The following HCN1 variants were observed in gnomAD, a reference collection of about 807,000 sequenced individuals.
HCN1 encodes the protein hyperpolarization activated cyclic nucleotide gated potassium channel 1, also known as potassium/sodium hyperpolarization-activated cyclic nucleotide-gated channel 1.
A neutral mutation model predicts 78.9 loss-of-function variants in HCN1; 13 were observed. The ratio of observed to expected loss-of-function variants is 0.16; its 90% confidence interval spans 0.11 to 0.26. The LOEUF (loss-of-function observed/expected upper bound fraction) is 0.26. HCN1 is among the 10% of genes least tolerant of loss of function. HCN1 has a pLI of 1.00. For synonymous variants in HCN1, 552 were observed against 455.5 expected, an observed-to-expected ratio of 1.21 and a Z score of -2.70; for missense variants, 810 against 1,154.3, an observed-to-expected ratio of 0.70 and a Z score of 4.32.
At chr5:45,352,273 G>A (rs1746921445) in intron 5 of HCN1, among the ~76,000 whole-genome samples, 1 of 151,706 alleles carries the variant, frequency 6.6e-6, no homozygotes, top group South Asian at 2.1e-4. Flanking sequence ...ACTATCGGAA[G>A]GACAAAAAAT....
intron 5 of HCN1, among the ~76,000 whole-genome samples, chr5:45,308,025 A>G (rs1354813864): frequency 6.6e-6 from 1 of 152,100 alleles, no homozygotes; most frequent in East Asian, 1.9e-4. Flanking sequence ...GAGGTGTTTC[A>G]GTCATGGGGG....
Position 45,261,895 on chromosome 5 carries a change from C to T in HCN1, c.*26G>A, listed in dbSNP as rs1744742099. On this transcript the variant is annotated 3_prime_UTR_variant, in exon 8 of 8. Transcript: ENST00000303230. ...ATAGTCTCAGTTTATGAGAGTATTT[C>T]TTTCTGCTTTGACAATCAGCAGGGA... 1 of 1,612,220 alleles carries T rather than the reference C, an allele frequency of 6.2e-7. No homozygotes were observed. The highest frequency in any genetic ancestry group is 8.5e-7 in the Non-Finnish European group (1 of 1,179,830).
intron 4 of HCN1, among the ~76,000 whole-genome samples, chr5:45,374,511 C>T (rs1334769218): frequency 6.7e-6 from 1 of 149,438 alleles, no homozygotes; most frequent in African/African-American, 2.4e-5. Context: ...GTAATAAAAT[C>T]CTGCCAACCA....
chr5:45,534,286 AC>A (rs1742919162), intron 2 of HCN1, among the ~76,000 whole-genome samples: 1 of 151,066 alleles, frequency 6.6e-6, no homozygotes, highest in African/African-American at 2.4e-5. Flanking sequence ...AGTCCCAGCT[AC>A]TCGGAGGCTG....
intron 2 of HCN1, among the ~76,000 whole-genome samples, chr5:45,567,893 T>G (rs967460648): frequency 1.4e-5 from 2 of 139,610 alleles, no homozygotes; most frequent in African/African-American, 5.4e-5. Flanking sequence ...CACCTCTATC[T>G]TACTTTCATA....
chr5:45,637,417 AGAGCCC>A (rs1441449348), intron 2 of HCN1, among the ~76,000 whole-genome samples: 4 of 151,982 alleles, frequency 2.6e-5, no homozygotes, highest in Non-Finnish European at 5.9e-5. Context: ...CAAGTACTTT[AGAGCCC>A]AGTTATTTCC....
At chr5:45,407,992 G>GA (rs1328513547) in intron 3 of HCN1, among the ~76,000 whole-genome samples, 3 of 151,942 alleles carry the variant, frequency 2.0e-5, no homozygotes, top group African/African-American at 4.8e-5. Flanking sequence ...TAAAAGTAAA[G>GA]AAAAAATCAA....
At chr5:45,688,932 C>A (rs1327868802) in intron 1 of HCN1, among the ~76,000 whole-genome samples, 10 of 151,744 alleles carry the variant, frequency 6.6e-5, no homozygotes, top group Non-Finnish European at 1.2e-4. Flanking sequence ...TCAGAATAAG[C>A]AAAAATCTAC....
chr5:45,295,807 A>G (rs986832426), intron 6 of HCN1, among the ~76,000 whole-genome samples: 1 of 151,976 alleles, frequency 6.6e-6, no homozygotes, highest in Non-Finnish European at 1.5e-5. Context: ...GTCATGCTCA[A>G]CTTATACAAA....
chr5:45,630,294 T>C (rs1745248789), intron 2 of HCN1, among the ~76,000 whole-genome samples: 1 of 152,222 alleles, frequency 6.6e-6, no homozygotes, highest in Admixed American at 6.5e-5. Context: ...CAACAGAGTA[T>C]GGATTTATAT....
chr5:45,475,619 A>G (rs759978456), intron 2 of HCN1, among the ~76,000 whole-genome samples: 1 of 151,858 alleles, frequency 6.6e-6, no homozygotes, highest in African/African-American at 2.4e-5. Context: ...AAAGGTTACT[A>G]TCATTATTAT....
chr5:45,303,182 A>C (rs1340174691), intron 6 of HCN1, among the ~76,000 whole-genome samples: 1 of 152,150 alleles, frequency 6.6e-6, no homozygotes, highest in East Asian at 1.9e-4. Context: ...AATATCAAAC[A>C]GAAGCTGTTA....
chr5:45,499,491 C>T (rs556876707), intron 2 of HCN1, among the ~76,000 whole-genome samples: 2 of 152,262 alleles, frequency 1.3e-5, no homozygotes, highest in South Asian at 2.1e-4. Flanking sequence ...CACTGTCTGG[C>T]ACTCCCTAGT....
chr5:45,353,728 AG>A (rs1746958679), intron 4 of HCN1, among the ~76,000 whole-genome samples: 1 of 151,998 alleles, frequency 6.6e-6, no homozygotes, highest in African/African-American at 2.4e-5. Context: ...GGAGCTTGGC[AG>A]GTATTTGCAG....
intron 4 of HCN1, among the ~76,000 whole-genome samples, chr5:45,358,798 G>C (rs1207188019): frequency 1.3e-5 from 2 of 152,098 alleles, no homozygotes; most frequent in Non-Finnish European, 2.9e-5. Flanking sequence ...ACAGATGCAA[G>C]CAAGCTTTTC....
chr5:45,587,814 C>A (rs1744265773), intron 2 of HCN1, among the ~76,000 whole-genome samples: 1 of 152,070 alleles, frequency 6.6e-6, no homozygotes. Context: ...ATTTAATCCC[C>A]AGTGAAACAG....
chr5:45,336,487 G>A (rs1746458618), intron 5 of HCN1, among the ~76,000 whole-genome samples: 1 of 151,992 alleles, frequency 6.6e-6, no homozygotes, highest in Non-Finnish European at 1.5e-5. Context: ...GTACAGCCTA[G>A]CTTGAGGATG....
At chr5:45,585,456 C>T (rs1744193392) in intron 2 of HCN1, among the ~76,000 whole-genome samples, 1 of 152,136 alleles carries the variant, frequency 6.6e-6, no homozygotes, top group Admixed American at 6.6e-5. Context: ...TTTTTAACTT[C>T]TTTGCCAAGG....
In HCN1 at chr5:45,335,816, T is replaced by A. The variant is rs982123129; in HGVS notation, c.1377+17284A>T. Among the ~76,000 whole-genome samples, 8 of 152,088 alleles carry A rather than the reference T, an allele frequency of 5.3e-5. 1 individual carries two copies. The highest frequency in any genetic ancestry group is 1.9e-4 in the African/African-American group (8 of 41,442). On this transcript the variant is annotated intron_variant, in intron 5 of 7. Transcript: ENST00000303230. Reference sequence around the variant, plus strand: ...AGCAGTTATGATCATTATTCACATTTCAAGATGAGAAAAATGAAGTACACA... The same window carrying A: ...AGCAGTTATGATCATTATTCACATTACAAGATGAGAAAAATGAAGTACACA...
Sources: allele counts gnomAD v4.1 joint callset (sites outside exome capture counted in the v4.1 genomes callset), GRCh38; gene constraint gnomAD v4.1.1; transcripts MANE v1.5; gene names NCBI Gene and HGNC (gene_info 2026-07-23, HGNC 2026-07-21).